The following GRIK2 variants were observed in gnomAD, a reference collection of about 807,000 sequenced individuals.
GRIK2 encodes glutamate receptor ionotropic, kainate 2.
A neutral mutation model predicts 100.3 loss-of-function variants in GRIK2; 32 were observed. The observed-to-expected ratio is 0.32, with a 90% CI of 0.24 to 0.43. The LOEUF (loss-of-function observed/expected upper bound fraction) is 0.43. Ranked by LOEUF, GRIK2 falls within the 20% of genes least tolerant of loss-of-function variation. The pLI is 1.00. For synonymous variants in GRIK2, 417 were observed against 389.4 expected (o/e 1.07, Z -0.83); for missense variants, 843 against 1,114.9 (o/e 0.76, Z 3.47).
At chr6:101,681,201 C>A (rs1348715034) in intron 5 of GRIK2, among the ~76,000 whole-genome samples, 1 of 152,066 alleles carries the variant, frequency 6.6e-6, no homozygotes, top group South Asian at 2.1e-4. Context: ...AGGCATACAA[C>A]GTGTAATAAT....
intron 14 of GRIK2, among the ~76,000 whole-genome samples, chr6:102,026,749 TC>T: frequency 6.6e-6 from 1 of 151,394 alleles, no homozygotes; most frequent in African/African-American, 2.4e-5. Context: ...TGTTTCATTG[TC>T]CTTCCCTTCA....
intron 14 of GRIK2, among the ~76,000 whole-genome samples, chr6:101,952,848 C>T (rs979001123): frequency 6.6e-6 from 1 of 152,136 alleles, no homozygotes; most frequent in Non-Finnish European, 1.5e-5. Context: ...TTGATCTGCC[C>T]ATCTCGGCCT....
chr6:101,771,476 C>T (rs1041497751), intron 7 of GRIK2, among the ~76,000 whole-genome samples: 9 of 151,334 alleles, frequency 5.9e-5, no homozygotes, highest in African/African-American at 2.2e-4. Context: ...CCATTTATGC[C>T]TGAGGTTGCA....
At chr6:101,763,609 T>A (rs1583101122) in intron 7 of GRIK2, among the ~76,000 whole-genome samples, 1 of 152,176 alleles carries the variant, frequency 6.6e-6, no homozygotes, top group Admixed American at 6.5e-5. Context: ...CAGGGGAAAT[T>A]CTTCTTCTTT....
intron 2 of GRIK2, among the ~76,000 whole-genome samples, chr6:101,414,876 T>C (rs1172135131): frequency 6.6e-6 from 1 of 152,094 alleles, no homozygotes; most frequent in Non-Finnish European, 1.5e-5. Context: ...GAAAGACCAC[T>C]GGTAGTCTCT....
intron 12 of GRIK2, among the ~76,000 whole-genome samples, chr6:101,906,820 A>T (rs1268591894): frequency 4.6e-5 from 7 of 151,772 alleles, no homozygotes; most frequent in Non-Finnish European, 8.8e-5. Context: ...GATTTACTTG[A>T]CCTCATAAAT....
intron 2 of GRIK2, among the ~76,000 whole-genome samples, chr6:101,404,557 T>A (rs979378862): frequency 3.9e-5 from 6 of 152,216 alleles, no homozygotes; most frequent in Non-Finnish European, 7.3e-5. Context: ...CAGTGCACAT[T>A]TTTGCACATC....
intron 16 of GRIK2, among the ~76,000 whole-genome samples, chr6:102,056,557 G>A (rs1016305456): frequency 2.6e-5 from 4 of 151,932 alleles, no homozygotes; most frequent in African/African-American, 9.7e-5. Context: ...AGAGTGAGAT[G>A]ATATAATCTT....
intron 12 of GRIK2, among the ~76,000 whole-genome samples, chr6:101,897,925 G>C (rs1787576553): frequency 6.6e-6 from 1 of 151,724 alleles, no homozygotes; most frequent in Non-Finnish European, 1.5e-5. Context: ...ATTATTTGGG[G>C]TAAGAGTCCT....
chr6:101,808,403 C>T (rs1326496419), intron 9 of GRIK2, among the ~76,000 whole-genome samples: 2 of 152,018 alleles, frequency 1.3e-5, no homozygotes, highest in African/African-American at 4.8e-5. Context: ...AATCTTAACT[C>T]ATGATTGAAT....
At chr6:101,521,151 A>G (rs906888154) in intron 2 of GRIK2, among the ~76,000 whole-genome samples, 5 of 152,082 alleles carry the variant, frequency 3.3e-5, no homozygotes, top group Admixed American at 1.3e-4. Flanking sequence ...AAAGAAATGA[A>G]AGCATAAAAA....
At chr6:101,995,702 G>T (rs1390816215) in intron 14 of GRIK2, among the ~76,000 whole-genome samples, 1 of 151,826 alleles carries the variant, frequency 6.6e-6, no homozygotes, top group East Asian at 1.9e-4. Context: ...ATGTGATGGG[G>T]TGTGTATGTG....
At chr6:101,956,793 T>TTATAGATA (rs55759390) in intron 14 of GRIK2, among the ~76,000 whole-genome samples, 4 of 147,280 alleles carry the variant, frequency 2.7e-5, no homozygotes, top group East Asian at 2.0e-4. Context: ...TAAAATTTTC[T>TTATAGATA]TATATATATC....
intron 15 of GRIK2, among the ~76,000 whole-genome samples, chr6:102,046,127 CAA>C (rs1313176539): frequency 6.6e-6 from 1 of 151,734 alleles, no homozygotes; most frequent in Non-Finnish European, 1.5e-5. Context: ...GGAAATAAAT[CAA>C]GAGGACATAA....
At chr6:101,768,060 T>C (rs1163226776) in intron 7 of GRIK2, among the ~76,000 whole-genome samples, 1 of 152,080 alleles carries the variant, frequency 6.6e-6, no homozygotes, top group Non-Finnish European at 1.5e-5. Flanking sequence ...GGTTTTACCA[T>C]GTTGCTCTGG....
chr6:101,708,096 A>G (rs1773463552), intron 7 of GRIK2, among the ~76,000 whole-genome samples: 1 of 150,532 alleles, frequency 6.6e-6, no homozygotes, highest in Non-Finnish European at 1.5e-5. Context: ...AAAATAAATG[A>G]ATGAAAAAAT....
At chr6:101,482,509 T>C (rs577054948) in intron 2 of GRIK2, among the ~76,000 whole-genome samples, 51 of 152,244 alleles carry the variant, frequency 3.3e-4, no homozygotes, top group Middle Eastern at 3.4e-3. Flanking sequence ...CAAGCATTTT[T>C]ATGCAGCGAA....
At position 101,592,588 on chromosome 6, in the gene GRIK2, C is replaced by CATATATATATATATATATAT. The variant is rs3056161; in HGVS notation, c.116-29344_116-29325dup. On this transcript the variant is annotated intron_variant, in intron 2 of 16. Coordinates refer to ENST00000369134, the MANE Select transcript of GRIK2 (RefSeq NM_021956.5). ...TCATGGGATAGAATTACTAATATCACATATATATATATATATATATATATA... is the reference window on the plus strand; with the variant it reads ...TCATGGGATAGAATTACTAATATCACATATATATATATATATATATATATATATATATATATATATATATA... 7.3e-3 allele frequency among the ~76,000 whole-genome samples: 746 copies of CATATATATATATATATATAT among 101,694 alleles called. 9 individuals are homozygous for CATATATATATATATATATAT. The highest frequency in any genetic ancestry group is 8.8e-3 in the African/African-American group (226 of 25,734). The allele number at this position is 101,694 out of a possible 152,430, so 66.7% of individuals were successfully genotyped here. A position where few individuals can be genotyped will look rare whatever the true frequency, so the allele number is the denominator to read the frequency against.
chr6:101,593,769 T>A (rs1778786116), intron 2 of GRIK2, among the ~76,000 whole-genome samples: 1 of 151,950 alleles, frequency 6.6e-6, no homozygotes, highest in African/African-American at 2.4e-5. Flanking sequence ...GAGCAAAGTT[T>A]AGTTTTTGAA....
Sources: allele counts gnomAD v4.1 joint callset (sites outside exome capture counted in the v4.1 genomes callset), GRCh38; gene constraint gnomAD v4.1.1; transcripts MANE v1.5; gene names NCBI Gene and HGNC (gene_info 2026-07-23, HGNC 2026-07-21).